Variants in DGKG observed in about 807,000 individuals in gnomAD.
DGKG encodes the protein DAG kinase gamma.
DGKG carries 78 observed loss-of-function variants against 105.3 expected under a neutral mutation model. The observed-to-expected ratio is 0.74, with a 90% CI of 0.62 to 0.89. DGKG has a LOEUF of 0.89. Among genes scored for constraint, DGKG ranks in the 40% least tolerant of loss-of-function variants. The probability of loss-of-function intolerance (pLI) is 0.00; values close to 1 mark genes in which losing one functional copy is unlikely to be tolerated. For missense variants in DGKG, 958 were observed against 1,020.1 expected (o/e 0.94, Z 0.83); for synonymous variants, 346 against 367.1 (o/e 0.94, Z 0.66).
At chr3:186,220,534 G>A (rs970567654) in intron 20 of DGKG, among the ~76,000 whole-genome samples, 4 of 152,296 alleles carry the variant, frequency 2.6e-5, no homozygotes, top group East Asian at 1.9e-4. Context: ...AAAGTCAACC[G>A]AAGTCACCAG....
intron 1 of DGKG, among the ~76,000 whole-genome samples, chr3:186,333,106 T>C (rs922040321): frequency 6.6e-6 from 1 of 152,218 alleles, no homozygotes; most frequent in African/African-American, 2.4e-5. Flanking sequence ...TATCCCGTTA[T>C]AAGCAGCAGA....
At chr3:186,207,929 T>G (rs1443709792) in intron 21 of DGKG, among the ~76,000 whole-genome samples, 2 of 152,264 alleles carry the variant, frequency 1.3e-5, no homozygotes, top group South Asian at 2.1e-4. Flanking sequence ...TTGGCCCAGT[T>G]GGCCACAAGC....
rs772832059 is a variant in DGKG at position 186,275,612 on chromosome 3, G to A, written c.845C>T (p.Pro282Leu). 6.3e-5 allele frequency: 102 copies of A among 1,614,112 alleles called. No homozygotes were observed. The highest frequency in any genetic ancestry group is 8.3e-5 in the Admixed American group (5 of 60,006). The stretch of plus-strand genomic sequence containing the variant: ...GATATGGCAGAAGTTGCAGTAGGTT[G>A]GTTTCTTGAAGTGCTTCATGGTCCA... ...HAWTMKHFKKPTYCNFCHIML... is the reference protein window; with the variant it reads ...HAWTMKHFKKLTYCNFCHIML... Residue 282 changes from proline to leucine, a missense_variant, in exon 10 of 25, where the codon CCA becomes CTA. Physicochemically the swap from Pro to Leu is moderately conservative, Grantham distance 98. Transcript: ENST00000265022.
At chr3:186,292,492 A>G (rs1301571085) in intron 5 of DGKG, among the ~76,000 whole-genome samples, 1 of 152,020 alleles carries the variant, frequency 6.6e-6, no homozygotes, top group Non-Finnish European at 1.5e-5. Context: ...AACTAAGTGA[A>G]GAACAAAACT....
At chr3:186,245,934 A>AC (rs547450274) in intron 19 of DGKG, among the ~76,000 whole-genome samples, 129 of 144,820 alleles carry the variant, frequency 8.9e-4, no homozygotes, top group African/African-American at 3.4e-3. Context: ...AACAACAACA[A>AC]AAAAAAACAG....
At chr3:186,328,623 T>G (rs767071800) in intron 1 of DGKG, among the ~76,000 whole-genome samples, 3 of 151,138 alleles carry the variant, frequency 2.0e-5, no homozygotes, top group Non-Finnish European at 4.4e-5. Context: ...CCGCCCAGAC[T>G]GGAGTGTTGT....
intron 14 of DGKG, among the ~76,000 whole-genome samples, chr3:186,263,048 A>T (rs935372825): frequency 2.0e-5 from 3 of 151,424 alleles, no homozygotes; most frequent in Non-Finnish European, 4.4e-5. Flanking sequence ...AATCGCTTGA[A>T]CCTGGGAGGT....
At chr3:186,258,560 G>A (rs6444117) in intron 16 of DGKG, among the ~76,000 whole-genome samples, 2 of 151,998 alleles carry the variant, frequency 1.3e-5, no homozygotes, top group Non-Finnish European at 2.9e-5. Flanking sequence ...CTTCAATTCA[G>A]CATGTAGGCA....
chr3:186,181,972 G>A (rs1440140781), intron 22 of DGKG, among the ~76,000 whole-genome samples: 1 of 152,188 alleles, frequency 6.6e-6, no homozygotes, highest in African/African-American at 2.4e-5. Flanking sequence ...ATTTTAGGCT[G>A]GGGCCAGAGA....
At chr3:186,279,310 C>T (rs1363046361) in intron 9 of DGKG, 1 of 152,376 alleles carries the variant, frequency 6.6e-6, no homozygotes, top group Non-Finnish European at 1.5e-5. Context: ...CAAATCCTCA[C>T]TCCTCCTTTT....
chr3:186,325,554 T>C (rs914106139), intron 1 of DGKG, among the ~76,000 whole-genome samples: 3 of 152,312 alleles, frequency 2.0e-5, no homozygotes, highest in Admixed American at 2.0e-4. Context: ...CTAATGATTA[T>C]TGCCTGGATT....
chr3:186,251,545 G>T (rs562309883), intron 19 of DGKG, among the ~76,000 whole-genome samples: 2 of 152,320 alleles, frequency 1.3e-5, no homozygotes, highest in South Asian at 4.1e-4. Context: ...ACAGAGGAGA[G>T]AATTTACTCC....
At chr3:186,217,774 C>T (rs1719367716) in intron 20 of DGKG, among the ~76,000 whole-genome samples, 1 of 152,222 alleles carries the variant, frequency 6.6e-6, no homozygotes, top group South Asian at 2.1e-4. Context: ...CCCTGAGCTT[C>T]TGGGGACCCT....
Position 186,288,851 on chromosome 3 carries a change from C to CT in DGKG, c.402dup (p.Ala135SerfsTer2). 4 of 1,590,458 alleles carry CT rather than the reference C, an allele frequency of 2.5e-6. No individual in the cohort carries two copies. The highest frequency in any genetic ancestry group is 2.6e-6 in the Non-Finnish European group (3 of 1,170,300). On this transcript the variant is annotated frameshift_variant, in exon 6 of 25. Transcript: ENST00000265022. LOFTEE classifies it high-confidence loss of function. The stretch of plus-strand genomic sequence containing the variant: ...GGGGTCGCAGCCACTTGGTCTTCAG[C>CT]TGGTGCTTGCTTCTCAGCCATATTT...
At chr3:186,242,593 A>T (rs1036535657) in intron 19 of DGKG, 25 bp from the exon 20 acceptor site, 15 of 1,608,758 alleles carry the variant, frequency 9.3e-6, no homozygotes, top group Non-Finnish European at 1.1e-5. Flanking sequence ...GACAAAGCAG[A>T]TCCTTGGTGA....
In DGKG at chr3:186,237,220, G is replaced by GTCTTCTT. The variant is rs72390413; in HGVS notation, c.1826+5277_1826+5283dup. 6.6e-3 allele frequency among the ~76,000 whole-genome samples: 999 copies of GTCTTCTT among 152,308 alleles called. 11 individuals carry two copies. Among genetic ancestry groups the GTCTTCTT allele is most frequent in the African/African-American group, 0.022 (934 of 41,558 alleles). Reference sequence around the variant, plus strand: ...CTACTCTGTGACTACTGGCAAAAGTGTCTTCTTTTTATTAATTCCTCTGTC... The same window carrying GTCTTCTT: ...CTACTCTGTGACTACTGGCAAAAGTGTCTTCTTTCTTCTTTTTATTAATTCCTCTGTC... On this transcript the variant is annotated intron_variant, in intron 20 of 24. Transcript: ENST00000265022.
intron 20 of DGKG, among the ~76,000 whole-genome samples, chr3:186,213,329 C>G (rs999398051): frequency 9.2e-5 from 14 of 152,226 alleles, no homozygotes; most frequent in African/African-American, 3.4e-4. Context: ...CAGGTGGGAT[C>G]TGGGACAGGC....
chr3:186,215,074 G>A (rs1719210697), intron 20 of DGKG, among the ~76,000 whole-genome samples: 1 of 152,208 alleles, frequency 6.6e-6, no homozygotes, highest in Admixed American at 6.5e-5. Context: ...ACAGGAGCAA[G>A]ACTGTGAAGG....
intron 1 of DGKG, among the ~76,000 whole-genome samples, chr3:186,344,149 A>C (rs1726218002): frequency 6.6e-6 from 1 of 152,246 alleles, no homozygotes; most frequent in South Asian, 2.1e-4. Context: ...AGTGTAAATT[A>C]GTTCAACCAT....
Sources: gnomAD v4.1 joint callset for allele counts (sites outside exome capture counted in the v4.1 genomes callset) on GRCh38, gnomAD v4.1.1 for gene constraint, MANE v1.5 for transcripts, NCBI Gene and HGNC (gene_info 2026-07-23, HGNC 2026-07-21) for gene names.